Variants in CFAP70 observed in about 807,000 individuals in gnomAD.
The protein encoded by CFAP70 is cilia and flagella associated protein 70, also known as cilia- and flagella-associated protein 70.
A neutral mutation model predicts 137.6 loss-of-function variants in CFAP70; 81 were observed. The observed-to-expected ratio is 0.59, with a 90% CI of 0.49 to 0.71. CFAP70 has a LOEUF of 0.71. Among genes scored for constraint, CFAP70 ranks in the 30% least tolerant of loss-of-function variants. The pLI is 0.00. For synonymous variants in CFAP70, 382 were observed against 423.6 expected (o/e 0.90, Z 1.20); for missense variants, 976 against 1,226.7 (o/e 0.80, Z 3.05).
intron 19 of CFAP70, among the ~76,000 whole-genome samples, chr10:73,290,740 T>A (rs752810520): frequency 5.9e-5 from 9 of 152,014 alleles, no homozygotes; most frequent in Non-Finnish European, 7.4e-5. Context: ...GGACTCTATG[T>A]GGTAGAGAGA....
chr10:73,338,067 T>C (rs1339057772), intron 6 of CFAP70, among the ~76,000 whole-genome samples: 1 of 151,854 alleles, frequency 6.6e-6, no homozygotes, highest in Middle Eastern at 3.2e-3. Flanking sequence ...GGTAATTTTG[T>C]GTTGTTTTCT....
chr10:73,358,798 A>C (rs2054878605), upstream of CFAP70: 1 of 152,334 alleles, frequency 6.6e-6, no homozygotes, highest in African/African-American at 2.4e-5. Flanking sequence ...CGCACGAGCA[A>C]GTTTATTCCA....
At chr10:73,304,701 A>G (rs2049234113) in intron 12 of CFAP70, among the ~76,000 whole-genome samples, 1 of 152,166 alleles carries the variant, frequency 6.6e-6, no homozygotes, top group African/African-American at 2.4e-5. Context: ...TTAAAAATAC[A>G]TGTAATAAAT....
In CFAP70 at chr10:73,273,028, A is replaced by C. The variant is rs1007831008; in HGVS notation, c.2836-11T>G. 3 of 1,542,084 alleles carry C rather than the reference A, an allele frequency of 1.9e-6. No homozygotes were observed. The African/African-American group carries it at 4.1e-5, about 21-fold the overall frequency. On this transcript the variant is annotated splice_polypyrimidine_tract_variant and intron_variant, in intron 23 of 26. Transcript: ENST00000310715. ...CTTTGCCTTTTCATACTGTAGAAAG[A>C]AAGCACCACTAAGCTACTGTTCTAG...
intron 5 of CFAP70, among the ~76,000 whole-genome samples, chr10:73,342,055 G>A (rs1408449071): frequency 6.6e-6 from 1 of 152,058 alleles, no homozygotes; most frequent in African/African-American, 2.4e-5. Context: ...TTTAGAAAAC[G>A]AACTAAAATC....
chr10:73,273,280 G>A (rs1300789320), intron 23 of CFAP70, among the ~76,000 whole-genome samples: 2 of 152,248 alleles, frequency 1.3e-5, no homozygotes, highest in African/African-American at 4.8e-5. Flanking sequence ...GAGGCAAGGA[G>A]TTACACTGAA....
chr10:73,328,171 G>C (rs1317417840), intron 8 of CFAP70, among the ~76,000 whole-genome samples: 3 of 152,040 alleles, frequency 2.0e-5, no homozygotes, highest in Non-Finnish European at 2.9e-5. Flanking sequence ...ACAGAGCCCT[G>C]AGAAATAACA....
intron 19 of CFAP70, among the ~76,000 whole-genome samples, chr10:73,280,452 G>GT (rs2047177304): frequency 6.6e-6 from 1 of 152,144 alleles, no homozygotes. Flanking sequence ...TTATGAGTTT[G>GT]TAAGTGTTCT....
At chr10:73,299,644 T>G (rs2048797689) in exon 13 of CFAP70, 1 of 1,612,986 alleles carries the variant, frequency 6.2e-7, no homozygotes, top group Non-Finnish European at 8.5e-7. Flanking sequence ...GAGGAGGCCT[T>G]GGAGGAATCA....
chr10:73,336,936 T>C (rs939138782), intron 6 of CFAP70, among the ~76,000 whole-genome samples: 1 of 152,134 alleles, frequency 6.6e-6, no homozygotes, highest in Non-Finnish European at 1.5e-5. Flanking sequence ...TTAATAAGTA[T>C]ATTAAAGTAT....
At chr10:73,330,214 G>T (rs28527247) in intron 8 of CFAP70, among the ~76,000 whole-genome samples, 1 of 151,950 alleles carries the variant, frequency 6.6e-6, no homozygotes, top group African/African-American at 2.4e-5. Context: ...CACTTTGGGA[G>T]GCTGAGGCGG....
intron 1 of CFAP70, among the ~76,000 whole-genome samples, chr10:73,356,161 T>C (rs148093413): frequency 4.1e-4 from 63 of 152,044 alleles, no homozygotes; most frequent in Admixed American, 1.5e-3. Context: ...CGATAATAAA[T>C]TGGATATTTG....
intron 15 of CFAP70, chr10:73,295,381 A>AAGGGAGGAAGGGAGGG (rs912499083): frequency 7.7e-6 from 1 of 129,252 alleles, no homozygotes; most frequent in African/African-American, 3.2e-5. Context: ...GGAAGGGAGG[A>AAGGGAGGAAGGGAGGG]AGGGAGGAAG....
intron 8 of CFAP70, among the ~76,000 whole-genome samples, chr10:73,326,627 A>C (rs1413603241): frequency 1.2e-4 from 18 of 152,156 alleles, no homozygotes; most frequent in African/African-American, 4.3e-4. Context: ...AGAATCAAAT[A>C]GATGCAATAA....
rs1400053016 is a variant in CFAP70 at position 73,351,095 on chromosome 10, A to G, written c.250+2461T>C. 1.4e-3 allele frequency among the ~76,000 whole-genome samples: 146 copies of G among 102,682 alleles called. 3 individuals carry two copies. Among genetic ancestry groups the G allele is most frequent in the African/African-American group, 5.5e-3 (128 of 23,262 alleles). The allele number at this position is 102,682 out of a possible 152,430, so 67.4% of individuals were successfully genotyped here. On this transcript the variant is annotated intron_variant, in intron 3 of 26. Coordinates refer to ENST00000310715, the Ensembl canonical transcript of CFAP70. ...TGTATATATATATATATATATATAT[A>G]TATATATATATATATATGTATGTTT...
intron 8 of CFAP70, among the ~76,000 whole-genome samples, chr10:73,325,324 C>G (rs2051297817): frequency 6.6e-6 from 1 of 152,246 alleles, no homozygotes; most frequent in African/African-American, 2.4e-5. Flanking sequence ...CCTAAAAGAG[C>G]TCCTGAAGGA....
chr10:73,281,612 C>T (rs1055625786), intron 19 of CFAP70, among the ~76,000 whole-genome samples: 1 of 151,898 alleles, frequency 6.6e-6, no homozygotes, highest in African/African-American at 2.4e-5. Flanking sequence ...TTCAAACTAC[C>T]GATGTTATGT....
chr10:73,323,469 G>A (rs561316246), intron 8 of CFAP70, among the ~76,000 whole-genome samples: 1 of 152,292 alleles, frequency 6.6e-6, no homozygotes, highest in African/African-American at 2.4e-5. Context: ...GCCAGACAGT[G>A]GGCACAGGTC....
chr10:73,293,756 T>C (rs1238770715), intron 15 of CFAP70: 1 of 156,926 alleles, frequency 6.4e-6, no homozygotes, highest in Non-Finnish European at 1.4e-5. Flanking sequence ...TATCATTTTT[T>C]TGTGTCATGA....
Sources: allele counts gnomAD v4.1 joint callset (sites outside exome capture counted in the v4.1 genomes callset), GRCh38; gene constraint gnomAD v4.1.1; transcripts MANE v1.5; gene names NCBI Gene and HGNC (gene_info 2026-07-23, HGNC 2026-07-21).